SLC14A2: variants seen among roughly 807,000 people sequenced by gnomAD.
The protein encoded by SLC14A2 is solute carrier family 14 member 2.
SLC14A2 carries 91 observed loss-of-function variants against 104.6 expected under a neutral mutation model. The observed-to-expected ratio is 0.87, with a 90% CI of 0.73 to 1.04. The LOEUF (loss-of-function observed/expected upper bound fraction) is 1.04, where lower values mean the gene tolerates loss of function less well. Among genes scored for constraint, SLC14A2 ranks in the 50% least tolerant of loss-of-function variants. SLC14A2 has a pLI of 0.00. For missense variants in SLC14A2, 1,189 were observed against 1,156.0 expected (o/e 1.03, Z -0.41); for synonymous variants, 476 against 466.4 (o/e 1.02, Z -0.27).
At chr18:45,188,396 G>T in the SLC14A2 span, among the ~76,000 whole-genome samples, 1 of 152,060 alleles carries the variant, frequency 6.6e-6, no homozygotes, top group Non-Finnish European at 1.5e-5. Context: ...CCTGTGTCTT[G>T]TAAGTAGGTT....
At chr18:45,177,999 A>G in the SLC14A2 span, among the ~76,000 whole-genome samples, 1 of 152,202 alleles carries the variant, frequency 6.6e-6, no homozygotes, top group Non-Finnish European at 1.5e-5. Flanking sequence ...TCTTCAGCCT[A>G]TGCTTCAGCC....
chr18:45,583,247 A>G (rs16978416), intron 2 of SLC14A2, among the ~76,000 whole-genome samples: 3,055 of 152,216 alleles, frequency 0.02, 103 homozygotes, highest in African/African-American at 0.069. Context: ...TGGCAACCCC[A>G]TTACACCTGA....
At chr18:45,664,608 C>G (rs1212669220) in intron 11 of SLC14A2, among the ~76,000 whole-genome samples, 1 of 152,190 alleles carries the variant, frequency 6.6e-6, no homozygotes, top group African/African-American at 2.4e-5. Context: ...ACTAGGGCCA[C>G]TGTTGGGAAT....
chr18:45,395,153 T>C (rs1203955035), intron 1 of SLC14A2, among the ~76,000 whole-genome samples: 4 of 152,322 alleles, frequency 2.6e-5, no homozygotes, highest in African/African-American at 9.6e-5. Context: ...AATGGATGAA[T>C]GGATTTTTGG....
intron 1 of SLC14A2, among the ~76,000 whole-genome samples, chr18:45,391,987 A>G (rs567309803): frequency 6.6e-6 from 1 of 152,202 alleles, no homozygotes; most frequent in Non-Finnish European, 1.5e-5. Context: ...TATTTTAGAC[A>G]TGAAGTCCTT....
At chr18:45,349,049 A>T (rs56853602) in intron 1 of SLC14A2, among the ~76,000 whole-genome samples, 3,581 of 152,330 alleles carry the variant, frequency 0.024, 143 homozygotes, top group African/African-American at 0.082. Context: ...GACGTGCAGT[A>T]CAATTCATGA....
intron 17 of SLC14A2, among the ~76,000 whole-genome samples, chr18:45,673,335 A>G (rs575117319): frequency 1.3e-4 from 20 of 152,368 alleles, no homozygotes; most frequent in South Asian, 4.1e-4. Context: ...CTGCAATGAC[A>G]GCAAGAAAGA....
intron 1 of SLC14A2, among the ~76,000 whole-genome samples, chr18:45,374,763 G>A (rs1218743453): frequency 6.6e-6 from 1 of 152,158 alleles, no homozygotes; most frequent in Non-Finnish European, 1.5e-5. Context: ...CCATCCTTCA[G>A]AGCTGAACTC....
intron 2 of SLC14A2, among the ~76,000 whole-genome samples, chr18:45,565,934 C>G (rs2044259922): frequency 6.6e-6 from 1 of 152,286 alleles, no homozygotes; most frequent in South Asian, 2.1e-4. Flanking sequence ...CAGCTCTATC[C>G]CCAGATAAAG....
At position 45,663,845 on chromosome 18, in the gene SLC14A2, T is replaced by C. The variant is rs2045970928; in HGVS notation, c.1412T>C (p.Val471Ala). The C allele has an allele frequency of 3.1e-6, 5 of 1,613,070 alleles. No individual in the cohort carries two copies. The highest frequency in any genetic ancestry group is 4.2e-6 in the Non-Finnish European group (5 of 1,179,694). The part of the protein sequence containing the change: ...GPKVEEGSEA[V>A]LSKHRSVFHI... ...AAGGTGGAGGAGGGCTCGGAGGCTGTGCTCTCCAAGCACAGGAGTGTATTT... is the reference window on the plus strand; with the variant it reads ...AAGGTGGAGGAGGGCTCGGAGGCTGCGCTCTCCAAGCACAGGAGTGTATTT... Residue 471 changes from valine (V) to alanine (A), a missense_variant, in exon 11 of 20, where the codon GTG (valine) becomes GCG (alanine). By Grantham distance (64) the Val-to-Ala change is moderately conservative. Transcript: ENST00000255226.
At chr18:45,659,277 T>C (rs1408016817) in intron 10 of SLC14A2, among the ~76,000 whole-genome samples, 1 of 152,192 alleles carries the variant, frequency 6.6e-6, no homozygotes, top group East Asian at 1.9e-4. Flanking sequence ...GCTGTACAAA[T>C]ACTATTTTTA....
At chr18:45,588,054 T>G (rs2044594096) in intron 2 of SLC14A2, among the ~76,000 whole-genome samples, 1 of 151,906 alleles carries the variant, frequency 6.6e-6, no homozygotes, top group Admixed American at 6.6e-5. Context: ...TTTTAATCCT[T>G]GAAAAGGGGA....
chr18:45,482,209 A>G (rs867341596), intron 1 of SLC14A2, among the ~76,000 whole-genome samples: 1 of 152,232 alleles, frequency 6.6e-6, no homozygotes, highest in Admixed American at 6.5e-5. Flanking sequence ...AATAATATTC[A>G]TTGCAGCCCT....
intron 1 of SLC14A2, among the ~76,000 whole-genome samples, chr18:45,478,968 C>T (rs1242811814): frequency 6.6e-6 from 1 of 152,176 alleles, no homozygotes; most frequent in Non-Finnish European, 1.5e-5. Flanking sequence ...ACCAGTTGAC[C>T]CCCAAAAGAC....
intron 1 of SLC14A2, among the ~76,000 whole-genome samples, chr18:45,398,963 CA>C (rs1452549460): frequency 6.6e-6 from 1 of 152,160 alleles, no homozygotes; most frequent in African/African-American, 2.4e-5. Context: ...AACATTTAAA[CA>C]TTAAAATGGT....
At chr18:45,297,453 G>C (rs558833503) in intron 1 of SLC14A2, among the ~76,000 whole-genome samples, 27 of 152,324 alleles carry the variant, frequency 1.8e-4, no homozygotes, top group Non-Finnish European at 3.1e-4. Flanking sequence ...ATGCAGATGA[G>C]AGTGTTTGGC....
At chr18:45,348,111 G>A (rs1464323674) in intron 1 of SLC14A2, among the ~76,000 whole-genome samples, 1 of 152,200 alleles carries the variant, frequency 6.6e-6, no homozygotes, top group Non-Finnish European at 1.5e-5. Flanking sequence ...CCAGAACACA[G>A]GGACAATTTC....
intron 1 of SLC14A2, among the ~76,000 whole-genome samples, chr18:45,269,622 A>G (rs2084629565): frequency 6.6e-6 from 1 of 152,114 alleles, no homozygotes; most frequent in Non-Finnish European, 1.5e-5. Context: ...CCTCTGCACT[A>G]CCTTCGAGAC....
chr18:45,581,072 G>C (rs2144360042), intron 2 of SLC14A2, among the ~76,000 whole-genome samples: 2 of 151,926 alleles, frequency 1.3e-5, no homozygotes. Context: ...AATGTGGAGG[G>C]CATTTCCTGC....
Sources: gnomAD v4.1 joint callset for allele counts (sites outside exome capture counted in the v4.1 genomes callset) on GRCh38, gnomAD v4.1.1 for gene constraint, MANE v1.5 for transcripts, NCBI Gene and HGNC (gene_info 2026-07-23, HGNC 2026-07-21) for gene names.